ABHD6: variants seen among roughly 807,000 people sequenced by gnomAD.
ABHD6 encodes monoacylglycerol lipase ABHD6.
In ABHD6, 33 loss-of-function variants were observed where a neutral mutation model predicts 38.8. The observed-to-expected ratio is 0.85, with a 90% confidence interval of 0.64 to 1.14. ABHD6 has a LOEUF of 1.14. Ranked by LOEUF, ABHD6 falls within the 50% of genes most tolerant of loss-of-function variation. ABHD6 has a pLI of 0.00. For synonymous variants in ABHD6, 147 were observed against 161.6 expected, an observed-to-expected ratio of 0.91 and a Z score of 0.69; for missense variants, 380 against 422.6, an observed-to-expected ratio of 0.90 and a Z score of 0.88.
At chr3:58,241,598 C>G (rs1220617149) in intron 1 of ABHD6, among the ~76,000 whole-genome samples, 1 of 152,186 alleles carries the variant, frequency 6.6e-6, no homozygotes, top group Non-Finnish European at 1.5e-5. Context: ...GGGTGTTTGC[C>G]TTGTGATATA....
At chr3:58,276,699 T>G (rs573297256) in intron 7 of ABHD6, among the ~76,000 whole-genome samples, 1 of 152,368 alleles carries the variant, frequency 6.6e-6, no homozygotes, top group South Asian at 2.1e-4. Context: ...CATGCCTGTT[T>G]CCTGTATGGT....
intron 6 of ABHD6, among the ~76,000 whole-genome samples, chr3:58,272,004 C>A (rs1409437613): frequency 3.9e-5 from 6 of 151,988 alleles, no homozygotes; most frequent in African/African-American, 1.4e-4. Context: ...TGGCTAGGAT[C>A]CTGTTGGCCT....
rs6785521 is a variant in ABHD6, at chr3:58,263,080, C to T, written c.120-4109C>T. ...AAAATTAGCCAGGCGTGGTGGCACG[C>T]GCCTGTAGTCCCAGCTACTTGGGAG... is the stretch of plus-strand genomic sequence containing the variant. On this transcript the variant is annotated intron_variant, in intron 3 of 9. Coordinates refer to ENST00000478253, the MANE Select transcript of ABHD6 (RefSeq NM_001320126.2). The surrounding 1 kb of genome is among the most constrained non-coding windows in gnomAD (Gnocchi z 4.9). Among the ~76,000 whole-genome samples, 17,861 of 152,118 alleles carry T rather than the reference C, an allele frequency of 0.12. 1,343 individuals carry two copies. Among genetic ancestry groups the T allele is most frequent in the African/African-American group, 0.21 (8,653 of 41,474 alleles).
Position 58,256,610 on chromosome 3 carries a change from G to GT in ABHD6, c.27dup (p.Val10CysfsTer47), listed in dbSNP as rs1559773374. 6.2e-7 allele frequency: 1 copy of GT among 1,614,162 alleles called. No homozygotes were observed. The highest frequency in any genetic ancestry group is 8.5e-7 in the Non-Finnish European group (1 of 1,180,024). ...GGATGGATCTTGATGTGGTTAACAT[G>GT]TTTGTGATTGCGGGCGGCACGCTGG... is the stretch of plus-strand genomic sequence containing the variant. On this transcript the variant is annotated frameshift_variant, in exon 3 of 10. Transcript: ENST00000478253. LOFTEE classifies it high-confidence loss of function. The surrounding 1 kb of genome is among the most constrained non-coding windows in gnomAD (Gnocchi z 4.3).
intron 7 of ABHD6, among the ~76,000 whole-genome samples, chr3:58,276,948 C>G (rs1443848337): frequency 6.6e-6 from 1 of 152,012 alleles, no homozygotes; most frequent in Non-Finnish European, 1.5e-5. Context: ...ATTTCTGAGG[C>G]CTCTGTTCTG....
At position 58,267,436 on chromosome 3, in the gene ABHD6, A is replaced by C. The variant is rs34631799; in HGVS notation, c.276+91A>C. 0.017 allele frequency: 25,774 copies of C among 1,511,246 alleles called. 287 individuals carry two copies. The highest frequency in any genetic ancestry group is 0.018 in the Non-Finnish European group (19,503 of 1,104,970). 93.6% of individuals were successfully genotyped at this position (1,511,246 alleles called of 1,614,324 possible). A position where few individuals can be genotyped will look rare whatever the true frequency, so the allele number is the denominator to read the frequency against. On this transcript the variant is annotated intron_variant, in intron 4 of 9. Transcript: ENST00000478253. This position sits in a 1 kb window ranked among gnomAD's most constrained non-coding sequence, Gnocchi z 4.3. ...TCCCAGCACTTTGGGAGCCTGAGGC[A>C]GGAGGATTGCTTGAGTCCAGGAGTT...
At chr3:58,290,954 G>T (rs879136846) in intron 9 of ABHD6, among the ~76,000 whole-genome samples, 2 of 152,004 alleles carry the variant, frequency 1.3e-5, no homozygotes, top group East Asian at 3.9e-4. Context: ...AGGCAGAGAC[G>T]CTCCTCGCTT....
chr3:58,275,965 G>A (rs187856957), intron 7 of ABHD6, among the ~76,000 whole-genome samples: 85 of 152,222 alleles, frequency 5.6e-4, no homozygotes, highest in Non-Finnish European at 5.9e-4. Context: ...TTATGGCTGC[G>A]TAGTATTCCA....
intron 1 of ABHD6, among the ~76,000 whole-genome samples, chr3:58,248,630 G>A (rs996775849): frequency 3.3e-5 from 5 of 152,164 alleles, no homozygotes; most frequent in East Asian, 1.9e-4. Flanking sequence ...CCCGGGAGGC[G>A]GAGGTTGCGG....
chr3:58,246,729 T>G (rs2097426658), intron 1 of ABHD6, among the ~76,000 whole-genome samples: 1 of 151,654 alleles, frequency 6.6e-6, no homozygotes. Flanking sequence ...TTGTGGTTTA[T>G]GGATGGTCAT....
At position 58,263,322 on chromosome 3, in the gene ABHD6, G is replaced by A. The variant is rs2097438374; in HGVS notation, c.120-3867G>A. 6.6e-6 allele frequency among the ~76,000 whole-genome samples: 1 copy of A among 152,002 alleles called. No homozygotes were observed. The highest frequency in any genetic ancestry group is 2.4e-5 in the African/African-American group (1 of 41,382). ...GGAGAATCACTTGAACCCGGGAGGT[G>A]GAGGTTGCAGTGAACTGAGATTGCG... On this transcript the variant is annotated intron_variant, in intron 3 of 9. Coordinates refer to ENST00000478253, the MANE Select transcript of ABHD6 (RefSeq NM_001320126.2). The surrounding 1 kb of genome is among the most constrained non-coding windows in gnomAD (Gnocchi z 4.9).
rs373640723 is a variant in ABHD6, at chr3:58,281,038, G to C, written c.682-4047G>C. Among the ~76,000 whole-genome samples, 14 of 152,296 alleles carry C rather than the reference G, an allele frequency of 9.2e-5. No individual in the cohort carries two copies. In the East Asian group the frequency reaches 1.7e-3, roughly 19 times the overall value. On this transcript the variant is annotated intron_variant, in intron 7 of 9. Coordinates refer to ENST00000478253, the MANE Select transcript of ABHD6 (RefSeq NM_001320126.2). ...CCTACTGGGAGGTGTCTCCCAGTTA[G>C]GCTACACGAGGGTCAGGGACCCACT... is the stretch of plus-strand genomic sequence containing the variant.
intron 9 of ABHD6, among the ~76,000 whole-genome samples, chr3:58,290,495 C>G (rs1415067429): frequency 1.6e-5 from 2 of 126,334 alleles, no homozygotes; most frequent in African/African-American, 6.3e-5. Flanking sequence ...CCCTCCCGGA[C>G]GGGGCGGCTG....
rs570032058 is a variant in ABHD6, at chr3:58,263,517, A to C, written c.120-3672A>C. On this transcript the variant is annotated intron_variant, in intron 3 of 9. Transcript: ENST00000478253. The surrounding 1 kb of genome is among the most constrained non-coding windows in gnomAD (Gnocchi z 4.9). Reference sequence around the variant, plus strand: ...GTAGTACCAAAGAGCTCTGTCTGATAATGAAGAAGCCCTTAATTCCTGAAT... The same window carrying C: ...GTAGTACCAAAGAGCTCTGTCTGATCATGAAGAAGCCCTTAATTCCTGAAT... 6.6e-6 allele frequency among the ~76,000 whole-genome samples: 1 copy of C among 152,222 alleles called. No homozygotes were observed. Among genetic ancestry groups the C allele is most frequent in the Admixed American group, 6.5e-5 (1 of 15,280 alleles).
intron 5 of ABHD6, among the ~76,000 whole-genome samples, chr3:58,270,169 G>T (rs1283258046): frequency 6.6e-6 from 1 of 152,120 alleles, no homozygotes; most frequent in African/African-American, 2.4e-5. Flanking sequence ...TGGATGGTTG[G>T]ATGGATGGAT....
chr3:58,285,617 G>A lies in ABHD6; in HGVS notation c.837+164G>A, dbSNP rs1299227042. ...GGTGCCAGTGTTGACAGTGGGCAGAGTTCTGGGAGTGGAGAGAAACAACAT... is the reference window on the plus strand; with the variant it reads ...GGTGCCAGTGTTGACAGTGGGCAGAATTCTGGGAGTGGAGAGAAACAACAT... On this transcript the variant is annotated intron_variant, in intron 9 of 9. Coordinates refer to ENST00000478253, the MANE Select transcript of ABHD6 (RefSeq NM_001320126.2). This position sits in a 1 kb window ranked among gnomAD's most constrained non-coding sequence, Gnocchi z 4.9. Among the ~76,000 whole-genome samples the A allele has an allele frequency of 6.6e-6, 1 of 152,212 alleles. No individual in the cohort carries two copies. Among genetic ancestry groups the A allele is most frequent in the Non-Finnish European group, 1.5e-5 (1 of 68,040 alleles).
rs1463508804 is a variant in ABHD6 at position 58,267,273 on chromosome 3, T to C, written c.204T>C (p.Pro68=). 1 of 1,614,178 alleles carries C rather than the reference T, an allele frequency of 6.2e-7. No homozygotes were observed. The highest frequency in any genetic ancestry group is 8.5e-7 in the Non-Finnish European group (1 of 1,180,016). The change falls in exon 4 of 10, where the codon CCT becomes CCC. Residue 68 remains proline, a synonymous_variant. Transcript: ENST00000478253. The surrounding 1 kb of genome is among the most constrained non-coding windows in gnomAD (Gnocchi z 4.3). ...YQFCYSFRGR[P]GHKPSILMLH... ...TCTGTTATTCCTTCCGGGGCAGGCC[T>C]GGGCACAAACCCTCCATCCTCATGC...
At chr3:58,282,771 A>G (rs2097454284) in intron 7 of ABHD6, among the ~76,000 whole-genome samples, 1 of 152,072 alleles carries the variant, frequency 6.6e-6, no homozygotes, top group Non-Finnish European at 1.5e-5. Context: ...CAGAGGTAGT[A>G]TATTCTGAAG....
intron 1 of ABHD6, among the ~76,000 whole-genome samples, chr3:58,241,238 C>T (rs1011160574): frequency 1.3e-5 from 2 of 152,222 alleles, no homozygotes; most frequent in Admixed American, 6.5e-5. Context: ...AAAGTCCTTT[C>T]TGACCTTGCA....
Sources: gnomAD v4.1 joint callset for allele counts (sites outside exome capture counted in the v4.1 genomes callset) on GRCh38, gnomAD v4.1.1 for gene constraint, Gnocchi (gnomAD v3.1) non-coding constraint, MANE v1.5 for transcripts, NCBI Gene and HGNC (gene_info 2026-07-23, HGNC 2026-07-21) for gene names.